Variants in PRLR observed in about 807,000 individuals in gnomAD.
The protein encoded by PRLR is prolactin receptor.
PRLR carries 13 observed loss-of-function variants against 40.2 expected under a neutral mutation model. The ratio of observed to expected loss-of-function variants is 0.32; its 90% confidence interval spans 0.21 to 0.51. The LOEUF is 0.51. PRLR is among the 20% of genes least tolerant of loss of function. The pLI is 0.97. For synonymous variants in PRLR, 269 were observed against 278.7 expected, an observed-to-expected ratio of 0.97 and a Z score of 0.35; for missense variants, 656 against 747.3, an observed-to-expected ratio of 0.88 and a Z score of 1.42.
rs907596075 is a variant in PRLR, at chr5:35,057,772, T to C, written c.*7317A>G. ...TCTTTAAGTCTAAAAAAATAGACATTACAATAACTACATATAGAAATGAGT... is the reference window on the plus strand; with the variant it reads ...TCTTTAAGTCTAAAAAAATAGACATCACAATAACTACATATAGAAATGAGT... On this transcript the variant is annotated 3_prime_UTR_variant, in exon 10 of 10. Transcript: ENST00000618457. 6.6e-6 allele frequency: 1 copy of C among 152,148 alleles called. No homozygotes were observed. Among genetic ancestry groups the C allele is most frequent in the African/African-American group, 2.4e-5 (1 of 41,454 alleles). 9.4% of individuals were successfully genotyped at this position (152,148 alleles called of 1,614,324 possible).
chr5:35,181,796 A>G (rs1467977806), intron 1 of PRLR, among the ~76,000 whole-genome samples: 1 of 152,156 alleles, frequency 6.6e-6, no homozygotes, highest in Non-Finnish European at 1.5e-5. Flanking sequence ...TCTAAGTAGA[A>G]GTCGTCTGGG....
rs191176706 is a variant in PRLR at position 35,221,689 on chromosome 5, T to C, written c.-106+8579A>G. Among the ~76,000 whole-genome samples, 93 of 152,094 alleles carry C rather than the reference T, an allele frequency of 6.1e-4. 2 individuals are homozygous for C. In the East Asian group the frequency reaches 8.9e-3, roughly 15 times the overall value. On this transcript the variant is annotated intron_variant, in intron 1 of 9. Transcript: ENST00000618457. ...CTTCCCAGAATATTGATTCAGTGAG[T>C]CTATAGTTGTTTCTAAAGCTCCCTA...
downstream of PRLR, among the ~76,000 whole-genome samples, chr5:35,052,297 A>G (rs1768521115): frequency 6.6e-6 from 1 of 152,226 alleles, no homozygotes; most frequent in African/African-American, 2.4e-5. Context: ...TATACTCTCT[A>G]AAATAATTTT....
At chr5:35,073,682 C>T (rs73091152) in intron 5 of PRLR, among the ~76,000 whole-genome samples, 5 of 152,202 alleles carry the variant, frequency 3.3e-5, no homozygotes, top group Admixed American at 1.3e-4. Flanking sequence ...TAAGACATTG[C>T]GTTTGATGTC....
At chr5:35,087,815 G>T (rs1192841193) in intron 3 of PRLR, among the ~76,000 whole-genome samples, 1 of 152,158 alleles carries the variant, frequency 6.6e-6, no homozygotes, top group Non-Finnish European at 1.5e-5. Flanking sequence ...CTGGGAATTT[G>T]CCCTGATACT....
chr5:35,195,077 T>C (rs1579789279), intron 1 of PRLR: 1 of 152,132 alleles, frequency 6.6e-6, no homozygotes, highest in Non-Finnish European at 1.5e-5. Flanking sequence ...AAAATGAAGT[T>C]TGTTAAAAAA....
chr5:35,070,106 A>C lies in PRLR; in HGVS notation c.685+18T>G. On this transcript the variant is annotated intron_variant, in intron 7 of 9. Coordinates refer to ENST00000618457, the MANE Select transcript of PRLR (RefSeq NM_000949.7). ...AACATATTTAGGGACATAAGCAAAA[A>C]AGAGCCAAGACGCTCACCACTAGGT... 1 of 1,589,264 alleles carries C rather than the reference A, an allele frequency of 6.3e-7. No individual in the cohort carries two copies. The highest frequency in any genetic ancestry group is 8.5e-7 in the Non-Finnish European group (1 of 1,173,346).
At chr5:35,229,092 C>T (rs1272975920) in intron 1 of PRLR, among the ~76,000 whole-genome samples, 1 of 149,164 alleles carries the variant, frequency 6.7e-6, no homozygotes, top group African/African-American at 2.4e-5. Context: ...GCACTTCCAC[C>T]TCATTAAACA....
chr5:35,088,678 T>C (rs1413057756), intron 3 of PRLR, among the ~76,000 whole-genome samples: 1 of 152,118 alleles, frequency 6.6e-6, no homozygotes, highest in Admixed American at 6.6e-5. Flanking sequence ...ACTTTCTCAA[T>C]GCACAGAAAC....
intron 8 of PRLR, chr5:35,049,506 AT>A: frequency 1.6e-6 from 1 of 633,220 alleles, no homozygotes; most frequent in Non-Finnish European, 2.8e-6. Flanking sequence ...AATTATTCGG[AT>A]TACCATAACA....
At chr5:35,070,841 C>CAAAAAAAAAAAAAAAA (rs34668616) in intron 6 of PRLR, among the ~76,000 whole-genome samples, 7 of 69,134 alleles carry the variant, frequency 1.0e-4, no homozygotes, top group African/African-American at 2.0e-4. Flanking sequence ...AACTCCGTCT[C>CAAAAAAAAAAAAAAAA]AAAAAAAAAA....
At chr5:35,066,176 G>A in intron 9 of PRLR, 74 bp from the exon 10 acceptor site, 1 of 1,399,082 alleles carries the variant, frequency 7.1e-7, no homozygotes, top group Non-Finnish European at 9.7e-7. Flanking sequence ...CTGCTAAGTG[G>A]TGCTGTTCAT....
At chr5:35,100,544 G>A (rs751401189) in intron 2 of PRLR, among the ~76,000 whole-genome samples, 17 of 152,058 alleles carry the variant, frequency 1.1e-4, no homozygotes, top group East Asian at 3.9e-4. Flanking sequence ...TGTAGTATTC[G>A]GTAAAGTAAA....
intron 1 of PRLR, among the ~76,000 whole-genome samples, chr5:35,169,068 C>T (rs1407486340): frequency 6.6e-6 from 1 of 152,074 alleles, no homozygotes; most frequent in Non-Finnish European, 1.5e-5. Context: ...CGTTTTCCCG[C>T]AGTAGCATTG....
chr5:35,126,740 A>G (rs1401965612), intron 1 of PRLR, among the ~76,000 whole-genome samples: 8 of 152,208 alleles, frequency 5.3e-5, no homozygotes, highest in Non-Finnish European at 8.8e-5. Flanking sequence ...ATGATTGTGA[A>G]TGTACACAGT....
At chr5:35,052,131 C>T (rs1474479139), downstream of PRLR, among the ~76,000 whole-genome samples, 1 of 152,020 alleles carries the variant, frequency 6.6e-6, no homozygotes, top group Non-Finnish European at 1.5e-5. Flanking sequence ...TAAATCACCT[C>T]CAAAAACGAT....
intron 1 of PRLR, among the ~76,000 whole-genome samples, chr5:35,207,974 T>C (rs1038967063): frequency 2.6e-5 from 4 of 152,154 alleles, no homozygotes; most frequent in African/African-American, 9.7e-5. Context: ...ACTAATTAGA[T>C]TATTCTGGAA....
At chr5:35,199,234 G>A (rs1027418239) in intron 1 of PRLR, among the ~76,000 whole-genome samples, 5 of 152,198 alleles carry the variant, frequency 3.3e-5, no homozygotes, top group Admixed American at 6.5e-5. Context: ...CTGAGTGAGA[G>A]ACAGAATTCG....
At chr5:35,072,473 C>A in intron 6 of PRLR, 102 bp downstream of exon 6, 13 of 1,351,796 alleles carry the variant, frequency 9.6e-6, no homozygotes, top group Non-Finnish European at 1.3e-5. Flanking sequence ...TGGAGGCCAA[C>A]ACAGTGACCC....
Sources: allele counts gnomAD v4.1 joint callset (sites outside exome capture counted in the v4.1 genomes callset), GRCh38; gene constraint gnomAD v4.1.1; transcripts MANE v1.5; gene names NCBI Gene and HGNC (gene_info 2026-07-23, HGNC 2026-07-21).